Variants in CACNA1B observed in about 807,000 individuals in gnomAD.
CACNA1B encodes the protein voltage-dependent N-type calcium channel subunit alpha-1B.
Under a neutral mutation model 247.2 loss-of-function variants are expected in CACNA1B, and 70 were observed. The ratio of observed to expected loss-of-function variants is 0.28; its 90% CI spans 0.23 to 0.35. The LOEUF is 0.35. Among genes scored for constraint, CACNA1B ranks in the 10% least tolerant of loss-of-function variants. The pLI, the probability that CACNA1B is intolerant of heterozygous loss-of-function variation, is 1.00. For missense variants in CACNA1B, 2,367 were observed against 3,197.4 expected, an observed-to-expected ratio of 0.74 and a Z score of 6.26; for synonymous variants, 1,231 against 1,294.4, an observed-to-expected ratio of 0.95 and a Z score of 1.05.
In CACNA1B at chr9:137,919,903, C is replaced by T. The variant is rs957250977; in HGVS notation, c.966+2472C>T. Among the ~76,000 whole-genome samples the T allele has an allele frequency of 4.6e-5, 7 of 152,216 alleles. No individual in the cohort carries two copies. The highest frequency in any genetic ancestry group is 3.9e-4 in the East Asian group (2 of 5,186). On this transcript the variant is annotated intron_variant, in intron 6 of 46. Coordinates refer to ENST00000371372, the MANE Select transcript of CACNA1B (RefSeq NM_000718.4). This position sits in a 1 kb window ranked among gnomAD's most constrained non-coding sequence, Gnocchi z 4.6. ...CTTTGTCTGTGCCTGGAAAAGCAGG[C>T]GGAGTCAAATGGAGCTTTGGGAGAA...
intron 10 of CACNA1B, among the ~76,000 whole-genome samples, chr9:137,962,352 GA>G (rs1958030426): frequency 7.5e-6 from 1 of 132,988 alleles, no homozygotes; most frequent in South Asian, 2.5e-4. Context: ...TGTTTTCATT[GA>G]TTTTTTTGAT....
rs1589072367 is a variant in CACNA1B, at chr9:138,020,256, C to T, written c.2268-2755C>T. 6.6e-6 allele frequency among the ~76,000 whole-genome samples: 1 copy of T among 152,212 alleles called. No homozygotes were observed. The highest frequency in any genetic ancestry group is 2.1e-4 in the South Asian group (1 of 4,834). On this transcript the variant is annotated intron_variant, in intron 18 of 46. Transcript: ENST00000371372. This position sits in a 1 kb window ranked among gnomAD's most constrained non-coding sequence, Gnocchi z 4.1. The stretch of plus-strand genomic sequence containing the variant: ...CACTTCCAAGTCCTGTAGTTCCCCA[C>T]AGCACCCAGCTGAGCATGGCTGAGC...
At chr9:138,112,629 C>G in intron 40 of CACNA1B, 124 bp downstream of exon 40, 1 of 671,360 alleles carries the variant, frequency 1.5e-6, no homozygotes, top group Admixed American at 2.2e-5. Flanking sequence ...GTGGGCTCAC[C>G]TCCTCATGAA....
chr9:137,999,114 C>T (rs1958534022), intron 15 of CACNA1B, among the ~76,000 whole-genome samples: 1 of 152,092 alleles, frequency 6.6e-6, no homozygotes, highest in Non-Finnish European at 1.5e-5. Flanking sequence ...CAAGACCAGC[C>T]TGGCGTGGTG....
intron 12 of CACNA1B, among the ~76,000 whole-genome samples, chr9:137,978,268 C>A (rs552144364): frequency 1.4e-5 from 2 of 140,030 alleles, no homozygotes; most frequent in South Asian, 2.4e-4. Flanking sequence ...CCCTCCCCCC[C>A]AGGAAGGAGT....
At chr9:137,948,383 G>A (rs768059252) in intron 6 of CACNA1B, among the ~76,000 whole-genome samples, 1 of 151,986 alleles carries the variant, frequency 6.6e-6, no homozygotes, top group Non-Finnish European at 1.5e-5. Flanking sequence ...GGTTTTTGAG[G>A]TTCACTTTTC....
intron 6 of CACNA1B, among the ~76,000 whole-genome samples, chr9:137,923,683 T>A (rs986505882): frequency 6.6e-6 from 1 of 152,260 alleles, no homozygotes; most frequent in African/African-American, 2.4e-5. Flanking sequence ...TGCAAATTTC[T>A]AGGTATAGTA....
In CACNA1B at chr9:138,058,018, T is replaced by C. The variant is rs530078453; in HGVS notation, c.4107-31T>C. The stretch of plus-strand genomic sequence containing the variant: ...TCTTAGGGCTGTCTCCTTTGGGGGT[T>C]CCCCTGACACTTGCTCTCCTCTTTG... On this transcript the variant is annotated intron_variant, in intron 27 of 46. Coordinates refer to ENST00000371372, the MANE Select transcript of CACNA1B (RefSeq NM_000718.4). This position sits in a 1 kb window ranked among gnomAD's most constrained non-coding sequence, Gnocchi z 4.7. The C allele has an allele frequency of 4.6e-5, 73 of 1,596,638 alleles. No homozygotes were observed. The South Asian group carries it at 6.8e-4, about 15-fold the overall frequency.
intron 18 of CACNA1B, among the ~76,000 whole-genome samples, chr9:138,019,547 C>A (rs1238836445): frequency 6.9e-6 from 1 of 145,404 alleles, no homozygotes; most frequent in African/African-American, 2.6e-5. Flanking sequence ...AGGCCACCTG[C>A]CCTGATGGAA....
intron 31 of CACNA1B, among the ~76,000 whole-genome samples, chr9:138,065,823 T>A (rs1458828664): frequency 6.6e-6 from 1 of 152,194 alleles, no homozygotes; most frequent in Non-Finnish European, 1.5e-5. Context: ...TAATGATATC[T>A]TGCGGTATCG....
chr9:137,981,457 C>T (rs530588066), intron 12 of CACNA1B, among the ~76,000 whole-genome samples: 2 of 152,102 alleles, frequency 1.3e-5, no homozygotes, highest in African/African-American at 4.8e-5. Context: ...TGAGGTTGAT[C>T]CCCTGGTTGA....
chr9:138,123,283 A>C lies in CACNA1B; in HGVS notation c.*1284A>C, dbSNP rs200654073. On this transcript the variant is annotated 3_prime_UTR_variant, in exon 47 of 47. Coordinates refer to ENST00000371372, the MANE Select transcript of CACNA1B (RefSeq NM_000718.4). ...AGGGAGGACACGGCTCCTGCCACTGAGGCCGGGCACCTGATGCCCAGCACT... is the reference window on the plus strand; with the variant it reads ...AGGGAGGACACGGCTCCTGCCACTGCGGCCGGGCACCTGATGCCCAGCACT... 3.9e-5 allele frequency: 6 copies of C among 152,270 alleles called. No homozygotes were observed. Among genetic ancestry groups the C allele is most frequent in the Non-Finnish European group, 8.8e-5 (6 of 68,074 alleles). 9.4% of individuals were successfully genotyped at this position (152,270 alleles called of 1,614,324 possible). A position where few individuals can be genotyped will look rare whatever the true frequency, so the allele number is the denominator to read the frequency against.
At chr9:137,879,203 G>T (rs776201132) in intron 2 of CACNA1B, 44 bp downstream of exon 2, 1 of 1,253,462 alleles carries the variant, frequency 8.0e-7, no homozygotes, top group East Asian at 2.4e-5. Flanking sequence ...TGGGGAGGCC[G>T]CGACTCCACT....
intron 46 of CACNA1B, 40 bp downstream of exon 46, chr9:138,120,921 C>G: frequency 6.5e-7 from 1 of 1,533,352 alleles, no homozygotes; most frequent in South Asian, 1.2e-5. Flanking sequence ...CCAGCTGCCT[C>G]TCCTCGGCCC....
intron 3 of CACNA1B, among the ~76,000 whole-genome samples, chr9:137,912,163 T>C (rs543733929): frequency 1.2e-4 from 19 of 152,326 alleles, no homozygotes; most frequent in African/African-American, 4.6e-4. Flanking sequence ...AGCCTAGAGC[T>C]CCAGGTCTGG....
chr9:138,096,515 A>T lies in CACNA1B; in HGVS notation c.5126A>T (p.Asp1709Val), dbSNP rs1244198022. The T allele has an allele frequency of 6.2e-7, 1 of 1,612,896 alleles. No homozygotes were observed. Among genetic ancestry groups the T allele is most frequent in the Non-Finnish European group, 8.5e-7 (1 of 1,179,354 alleles). ...MLNLFVAVIM[D>V]NFEYLTRDSS... is the part of the protein sequence containing the mutation. Reference sequence around the variant, plus strand: ...AACCTCTTTGTGGCTGTGATCATGGACAATTTTGAGTACCTCACGCGGGAC... The same window carrying T: ...AACCTCTTTGTGGCTGTGATCATGGTCAATTTTGAGTACCTCACGCGGGAC... The change falls in exon 37 of 47, where the codon GAC becomes GTC. Residue 1709 changes from aspartate to valine, a missense_variant. Coordinates refer to ENST00000371372, the MANE Select transcript of CACNA1B (RefSeq NM_000718.4).
rs1312308236 is a variant in CACNA1B at position 137,879,080 on chromosome 9, C to G, written c.311C>G (p.Thr104Ser). The G allele has an allele frequency of 6.2e-7, 1 of 1,612,126 alleles. No homozygotes were observed. Among genetic ancestry groups the G allele is most frequent in the Admixed American group, 1.7e-5 (1 of 59,974 alleles). Residue 104 changes from threonine to serine, a missense_variant, in exon 2 of 47, where the codon ACC (threonine) becomes AGC (serine). Coordinates refer to ENST00000371372, the MANE Select transcript of CACNA1B (RefSeq NM_000718.4). Reference protein sequence around the residue: ...WPPFEYMILATIIANCIVLAL... With the variant: ...WPPFEYMILASIIANCIVLAL... ...CCATTCGAGTATATGATCCTGGCCA[C>G]CATCATCGCCAACTGCATCGTGCTG...
intron 36 of CACNA1B, among the ~76,000 whole-genome samples, chr9:138,083,514 T>G (rs576810915): frequency 6.6e-6 from 1 of 150,780 alleles, no homozygotes; most frequent in African/African-American, 2.5e-5. Context: ...AATGGTGCGT[T>G]GGCCACCCAG....
In CACNA1B at chr9:138,082,771, C is replaced by A. The variant is rs920178861; in HGVS notation, c.5094+4513C>A. Among the ~76,000 whole-genome samples, 4 of 151,156 alleles carry A rather than the reference C, an allele frequency of 2.6e-5. 1 individual carries two copies. Among genetic ancestry groups the A allele is most frequent in the African/African-American group, 9.8e-5 (4 of 40,842 alleles). ...GGCTGACCTTCCACCTAGTGCTTGT[C>A]CTTCTCAAAAAGACAGAACAATGAA... On this transcript the variant is annotated intron_variant, in intron 36 of 46. Transcript: ENST00000371372.
Sources: gnomAD v4.1 joint callset for allele counts (sites outside exome capture counted in the v4.1 genomes callset) on GRCh38, gnomAD v4.1.1 for gene constraint, Gnocchi (gnomAD v3.1) non-coding constraint, MANE v1.5 for transcripts, NCBI Gene and HGNC (gene_info 2026-07-23, HGNC 2026-07-21) for gene names.